CAST: variants seen among roughly 807,000 people sequenced by gnomAD.
CAST encodes the protein calpastatin.
CAST carries 76 observed loss-of-function variants against 119.6 expected under a neutral mutation model. That is an observed-to-expected ratio of 0.64 (90% CI 0.53 to 0.77). The LOEUF (loss-of-function observed/expected upper bound fraction) is 0.77, where lower values mean the gene tolerates loss of function less well. CAST is among the 30% of genes least tolerant of loss of function. The pLI, the probability that CAST is intolerant of heterozygous loss-of-function variation, is 0.00. For missense variants in CAST, 953 were observed against 946.5 expected, an observed-to-expected ratio of 1.01 and a Z score of -0.09; for synonymous variants, 319 against 331.6, an observed-to-expected ratio of 0.96 and a Z score of 0.41.
At chr5:96,551,779 A>G (rs570324407) in intron 1 of CAST, among the ~76,000 whole-genome samples, 1 of 152,182 alleles carries the variant, frequency 6.6e-6, no homozygotes. Flanking sequence ...CTGTTCTCTA[A>G]TAAAACAGAC....
At chr5:96,012,200 AC>A in the CAST span, among the ~76,000 whole-genome samples, 13 of 152,144 alleles carry the variant, frequency 8.5e-5, no homozygotes, top group Non-Finnish European at 1.5e-4. Context: ...AGTTAATGTC[AC>A]TGCAGTTCCT....
At position 96,637,622 on chromosome 5, in the gene CAST, A is replaced by G. The variant is rs944149453; in HGVS notation, c.61-37917A>G. ...GAAATTAGATTGCTATCATGTTACC[A>G]ACTCTTAAGAGTTAGGGTAAAGATA... On this transcript the variant is annotated intron_variant, in intron 1 of 11. Coordinates refer to the CAST transcript ENST00000505143. 2.0e-5 allele frequency among the ~76,000 whole-genome samples: 3 copies of G among 152,350 alleles called. No individual in the cohort carries two copies. The East Asian group carries it at 5.8e-4, about 29-fold the overall frequency.
the CAST span, among the ~76,000 whole-genome samples, chr5:96,284,469 G>A: frequency 7.2e-3 from 1,091 of 152,258 alleles, 12 homozygotes; most frequent in African/African-American, 0.025. Flanking sequence ...CCCTTGTTAA[G>A]GGTGACGGTG....
At chr5:96,329,251 G>A in the CAST span, among the ~76,000 whole-genome samples, 4 of 152,354 alleles carry the variant, frequency 2.6e-5, no homozygotes, top group East Asian at 7.7e-4. Flanking sequence ...AGAAAACAGT[G>A]TGATAACGTG....
chr5:96,657,596 T>C (rs931952966), upstream of CAST, among the ~76,000 whole-genome samples: 1 of 152,182 alleles, frequency 6.6e-6, no homozygotes, highest in African/African-American at 2.4e-5. Flanking sequence ...CAGACAGAAA[T>C]AGCACATTAA....
chr5:96,673,521 A>G (rs1750358692), intron 1 of CAST, among the ~76,000 whole-genome samples: 1 of 152,242 alleles, frequency 6.6e-6, no homozygotes, highest in Non-Finnish European at 1.5e-5. Flanking sequence ...TATATAACCA[A>G]TAAGCTGGTT....
chr5:96,507,075 G>A, the CAST span, among the ~76,000 whole-genome samples: 2 of 152,136 alleles, frequency 1.3e-5, no homozygotes, highest in African/African-American at 2.4e-5. Context: ...TGGGGTGAGG[G>A]TGGAGGGGAT....
At chr5:96,081,382 C>G in the CAST span, among the ~76,000 whole-genome samples, 1 of 152,118 alleles carries the variant, frequency 6.6e-6, no homozygotes, top group African/African-American at 2.4e-5. Context: ...TTGTGAAGTC[C>G]CATAGAGCTC....
At chr5:96,015,006 A>C in the CAST span, among the ~76,000 whole-genome samples, 3 of 152,064 alleles carry the variant, frequency 2.0e-5, no homozygotes, top group Non-Finnish European at 4.4e-5. Context: ...TCCTCACCAC[A>C]CCCTGTAAAG....
At chr5:96,742,347 T>G (rs56299553) in intron 15 of CAST, 2,684 of 208,540 alleles carry the variant, frequency 0.013, 79 homozygotes, top group African/African-American at 0.058. Flanking sequence ...TTCTTTTTTT[T>G]TTGTTTGTTT....
At chr5:96,529,822 G>A (rs13161802) in exon 1 of CAST, 239,559 of 428,352 alleles carry the variant, frequency 0.56, 68,539 homozygotes, top group Middle Eastern at 0.6. Flanking sequence ...CCACCCTGTG[G>A]AGAGGTGCCT....
the CAST span, among the ~76,000 whole-genome samples, chr5:96,428,996 T>C: frequency 6.6e-6 from 1 of 152,134 alleles, no homozygotes; most frequent in Non-Finnish European, 1.5e-5. Context: ...CGTATATATG[T>C]GTAAAATTAA....
chr5:96,621,008 C>G (rs183829516), intron 1 of CAST, among the ~76,000 whole-genome samples: 2 of 152,330 alleles, frequency 1.3e-5, no homozygotes, highest in East Asian at 3.9e-4. Context: ...CGGTTCTTAA[C>G]TCTCCTCTTC....
intron 6 of CAST, among the ~76,000 whole-genome samples, chr5:96,727,976 GAC>G: frequency 6.6e-6 from 1 of 152,264 alleles, no homozygotes; most frequent in East Asian, 1.9e-4. Flanking sequence ...GGTTTATCGT[GAC>G]AGTCTTACCT....
the CAST span, among the ~76,000 whole-genome samples, chr5:96,369,405 C>T: frequency 6.6e-6 from 1 of 152,054 alleles, no homozygotes; most frequent in African/African-American, 2.4e-5. Context: ...TGTCTTCTAA[C>T]CTTCAGATTC....
the CAST span, among the ~76,000 whole-genome samples, chr5:96,298,903 A>C: frequency 6.1e-5 from 3 of 49,246 alleles, no homozygotes; most frequent in African/African-American, 1.7e-4. Context: ...TGTGTGCCTT[A>C]AAAATTAAAG....
At chr5:96,692,502 G>A (rs923305726) in intron 2 of CAST, among the ~76,000 whole-genome samples, 3 of 152,094 alleles carry the variant, frequency 2.0e-5, no homozygotes, top group Non-Finnish European at 4.4e-5. Flanking sequence ...TACCATACAT[G>A]CCTGTACCCA....
chr5:96,350,949 C>G, the CAST span, among the ~76,000 whole-genome samples: 3 of 152,104 alleles, frequency 2.0e-5, no homozygotes, highest in Admixed American at 6.6e-5. Context: ...AGTGAAGAAC[C>G]TTGGTAACCA....
chr5:96,588,176 T>TTTTC lies in CAST; in HGVS notation c.60+58316_60+58319dup, dbSNP rs1256135385. Among the ~76,000 whole-genome samples the TTTTC allele has an allele frequency of 7.0e-4, 100 of 143,662 alleles. 3 individuals carry two copies. The South Asian group carries it at 9.1e-3, about 13-fold the overall frequency. 94.2% of individuals were successfully genotyped at this position (143,662 alleles called of 152,430 possible). On this transcript the variant is annotated intron_variant, in intron 1 of 11. Transcript: ENST00000505143. Reference sequence around the variant, plus strand: ...TAAGCCATGTTAAATTCATATATTATTTTCTTTCTTTCTTTCTTTCTTTTT... The same window carrying TTTTC: ...TAAGCCATGTTAAATTCATATATTATTTTCTTTCTTTCTTTCTTTCTTTCTTTTT...
Sources: allele counts gnomAD v4.1 joint callset (sites outside exome capture counted in the v4.1 genomes callset), GRCh38; gene constraint gnomAD v4.1.1; transcripts MANE v1.5; gene names NCBI Gene and HGNC (gene_info 2026-07-23, HGNC 2026-07-21).